The following TRPM3 variants were observed in gnomAD, a reference collection of about 807,000 sequenced individuals.
TRPM3 encodes the protein long transient receptor potential channel 3.
A neutral mutation model predicts 181.2 loss-of-function variants in TRPM3; 77 were observed. That is an observed-to-expected ratio of 0.42 (90% CI 0.35 to 0.51). TRPM3 has a LOEUF of 0.51. Ranked by LOEUF, TRPM3 falls within the 20% of genes least tolerant of loss-of-function variation. TRPM3 has a pLI of 0.01. For synonymous variants in TRPM3, 745 were observed against 796.4 expected (o/e 0.94, Z 1.09); for missense variants, 1,759 against 2,196.7 (o/e 0.80, Z 3.98).
chr9:71,377,987 C>T (rs2092706174), intron 1 of TRPM3, among the ~76,000 whole-genome samples: 1 of 151,878 alleles, frequency 6.6e-6, no homozygotes, highest in South Asian at 2.1e-4. Context: ...TATTGATGGA[C>T]ATTTGGATTG....
At chr9:70,943,797 A>G (rs1403627994) in intron 1 of TRPM3, among the ~76,000 whole-genome samples, 1 of 152,176 alleles carries the variant, frequency 6.6e-6, no homozygotes, top group Non-Finnish European at 1.5e-5. Context: ...CTTGAGGAGC[A>G]GCCTCTCTCT....
At chr9:71,167,146 G>A (rs957800578) in intron 1 of TRPM3, among the ~76,000 whole-genome samples, 3 of 152,148 alleles carry the variant, frequency 2.0e-5, no homozygotes, top group Non-Finnish European at 4.4e-5. Context: ...AAATATGTGA[G>A]ATATTTATTA....
At chr9:71,172,520 CTT>C (rs1012704256) in intron 1 of TRPM3, among the ~76,000 whole-genome samples, 1 of 152,128 alleles carries the variant, frequency 6.6e-6, no homozygotes, top group African/African-American at 2.4e-5. Flanking sequence ...AATCCTCCCA[CTT>C]TAGCCTCTCG....
chr9:71,164,644 G>T (rs2076449108), intron 1 of TRPM3, among the ~76,000 whole-genome samples: 2 of 149,680 alleles, frequency 1.3e-5, no homozygotes, highest in African/African-American at 4.9e-5. Flanking sequence ...GAGAAGGAGA[G>T]TGAGAACAAT....
At chr9:70,800,662 C>A (rs576936887) in intron 6 of TRPM3, among the ~76,000 whole-genome samples, 1 of 152,176 alleles carries the variant, frequency 6.6e-6, no homozygotes, top group Non-Finnish European at 1.5e-5. Context: ...AATATATTTT[C>A]TTTTCCTCTT....
intron 5 of TRPM3, among the ~76,000 whole-genome samples, chr9:70,841,721 T>C (rs1208632533): frequency 6.9e-6 from 1 of 144,022 alleles, no homozygotes; most frequent in African/African-American, 2.5e-5. Flanking sequence ...TCTCCCACCA[T>C]ATATATATAT....
At chr9:71,040,490 C>A (rs1435008219) in intron 1 of TRPM3, among the ~76,000 whole-genome samples, 1 of 152,126 alleles carries the variant, frequency 6.6e-6, no homozygotes, top group Admixed American at 6.5e-5. Flanking sequence ...ATTTGGTAAA[C>A]TAGACTAATT....
At chr9:70,619,193 A>T in intron 16 of TRPM3, 98 bp from the exon 17 acceptor site, 1 of 948,210 alleles carries the variant, frequency 1.1e-6, no homozygotes, top group Non-Finnish European at 1.6e-6. Context: ...GGGTCACTGG[A>T]TGATGTAGGT....
intron 6 of TRPM3, among the ~76,000 whole-genome samples, chr9:70,813,703 T>G (rs1321221265): frequency 1.3e-5 from 2 of 152,212 alleles, no homozygotes; most frequent in Non-Finnish European, 2.9e-5. Context: ...TGCAGCTCTT[T>G]GCATACAGAG....
At chr9:71,281,893 C>A (rs1296852631) in intron 1 of TRPM3, among the ~76,000 whole-genome samples, 1 of 152,012 alleles carries the variant, frequency 6.6e-6, no homozygotes, top group Non-Finnish European at 1.5e-5. Flanking sequence ...GAAACCCCGT[C>A]TCTACTAAAA....
At chr9:70,927,793 TG>T (rs1304366589) in intron 1 of TRPM3, among the ~76,000 whole-genome samples, 1 of 152,176 alleles carries the variant, frequency 6.6e-6, no homozygotes, top group African/African-American at 2.4e-5. Flanking sequence ...ACAATTGATT[TG>T]GGTCTCTCTT....
chr9:71,275,343 A>G (rs1033473232), intron 1 of TRPM3, among the ~76,000 whole-genome samples: 4 of 152,222 alleles, frequency 2.6e-5, no homozygotes, highest in Admixed American at 1.3e-4. Context: ...CATGATTTCA[A>G]TGGTGAAAAT....
intron 1 of TRPM3, among the ~76,000 whole-genome samples, chr9:70,873,352 T>C (rs750914515): frequency 1.3e-5 from 2 of 151,998 alleles, no homozygotes; most frequent in Non-Finnish European, 2.9e-5. Flanking sequence ...AAACAATCAA[T>C]GGTGCCATCC....
intron 7 of TRPM3, among the ~76,000 whole-genome samples, chr9:70,778,343 T>C (rs1377323978): frequency 1.3e-5 from 2 of 152,208 alleles, no homozygotes; most frequent in Non-Finnish European, 2.9e-5. Context: ...GACCTTCTAG[T>C]TATCTGCACT....
chr9:71,232,735 G>A (rs1036606288), intron 1 of TRPM3, among the ~76,000 whole-genome samples: 12 of 151,988 alleles, frequency 7.9e-5, no homozygotes, highest in Non-Finnish European at 1.6e-4. Flanking sequence ...TCCAGACCTC[G>A]TGATCTGCCG....
At chr9:70,788,987 G>A (rs903255007) in intron 6 of TRPM3, among the ~76,000 whole-genome samples, 2 of 152,146 alleles carry the variant, frequency 1.3e-5, no homozygotes, top group African/African-American at 2.4e-5. Flanking sequence ...GACATGGACC[G>A]GTACCAGTCT....
At chr9:70,750,398 T>A (rs920417720) in intron 8 of TRPM3, among the ~76,000 whole-genome samples, 1 of 152,192 alleles carries the variant, frequency 6.6e-6, no homozygotes, top group Non-Finnish European at 1.5e-5. Flanking sequence ...GGACACTTGT[T>A]AGTAGCAAAA....
At chr9:70,884,905 G>A (rs2096061872) in intron 1 of TRPM3, among the ~76,000 whole-genome samples, 1 of 152,160 alleles carries the variant, frequency 6.6e-6, no homozygotes, top group African/African-American at 2.4e-5. Flanking sequence ...ATCTGTAGGT[G>A]AAGGTGAGTC....
intron 8 of TRPM3, among the ~76,000 whole-genome samples, chr9:70,743,172 G>A (rs530496465): frequency 6.6e-6 from 1 of 152,300 alleles, no homozygotes; most frequent in South Asian, 2.1e-4. Context: ...AGTACTTCGA[G>A]TTGTGGCTGG....
Sources: allele counts gnomAD v4.1 joint callset (sites outside exome capture counted in the v4.1 genomes callset), GRCh38; gene constraint gnomAD v4.1.1; transcripts MANE v1.5; gene names NCBI Gene and HGNC (gene_info 2026-07-23, HGNC 2026-07-21).